FOXN3: variants seen among roughly 807,000 people sequenced by gnomAD.
FOXN3 encodes the protein forkhead box protein N3.
FOXN3 carries 7 observed loss-of-function variants against 38.4 expected under a neutral mutation model. That is an observed-to-expected ratio of 0.18 (90% confidence interval 0.10 to 0.34). The LOEUF (loss-of-function observed/expected upper bound fraction) is 0.34. FOXN3 is among the 10% of genes least tolerant of loss of function. FOXN3 has a pLI of 1.00. For synonymous variants in FOXN3, 230 were observed against 242.2 expected (o/e 0.95, Z 0.47); for missense variants, 456 against 613.4 (o/e 0.74, Z 2.71).
chr14:89,498,210 C>CTTTTTTTTT (rs547081117), intron 1 of FOXN3, among the ~76,000 whole-genome samples: 20 of 81,062 alleles, frequency 2.5e-4, no homozygotes, highest in African/African-American at 8.1e-4. Flanking sequence ...CTCTCTCTCT[C>CTTTTTTTTT]TTTTTTTTTT....
chr14:89,473,231 G>A (rs1408886270), intron 1 of FOXN3, among the ~76,000 whole-genome samples: 1 of 151,682 alleles, frequency 6.6e-6, no homozygotes, highest in Admixed American at 6.6e-5. Flanking sequence ...TCACCATGTT[G>A]GCCAGGATGG....
chr14:89,508,524 G>A (rs79962771), intron 1 of FOXN3, among the ~76,000 whole-genome samples: 3,751 of 152,228 alleles, frequency 0.025, 64 homozygotes, highest in Non-Finnish European at 0.038. Context: ...AGTGGCACTC[G>A]CTCAGAAAAG....
chr14:89,430,822 C>T (rs915203026), intron 1 of FOXN3, among the ~76,000 whole-genome samples: 3 of 152,160 alleles, frequency 2.0e-5, no homozygotes, highest in Non-Finnish European at 4.4e-5. Context: ...TCTGCCTAAC[C>T]AAAAGTAAAA....
chr14:89,587,276 A>G (rs1366897918), intron 1 of FOXN3, among the ~76,000 whole-genome samples: 2 of 152,228 alleles, frequency 1.3e-5, no homozygotes, highest in Non-Finnish European at 2.9e-5. Flanking sequence ...TTAAATGTTA[A>G]TCTCTTCTAG....
intron 3 of FOXN3, chr14:89,291,309 A>C (rs1029900846): frequency 6.0e-6 from 3 of 502,590 alleles, no homozygotes; most frequent in Non-Finnish European, 1.2e-5. Context: ...GCAGCCACGC[A>C]TTCTCTCGGG....
chr14:89,162,308 C>A lies in FOXN3; in HGVS notation c.*106G>T. On this transcript the variant is annotated 3_prime_UTR_variant, in exon 6 of 6. Coordinates refer to ENST00000557258, the MANE Select transcript of FOXN3 (RefSeq NM_005197.4). This position sits in a 1 kb window ranked among gnomAD's most constrained non-coding sequence, Gnocchi z 7.2. ...AAAAGAAAGAAAACCAAACCAAAAA[C>A]AAGAAAAAAGAAAAAAAATTGCTGA... 4 of 967,690 alleles carry A rather than the reference C, an allele frequency of 4.1e-6. No individual in the cohort carries two copies. The highest frequency in any genetic ancestry group is 2.1e-5 in the South Asian group (1 of 48,756). 59.9% of individuals were successfully genotyped at this position (967,690 alleles called of 1,614,324 possible).
At chr14:89,333,364 GC>G (rs1382131284) in intron 3 of FOXN3, 1 of 152,112 alleles carries the variant, frequency 6.6e-6, no homozygotes. Context: ...GTTGCAGTGA[GC>G]CAAGATCGCG....
rs79033554 is a variant in FOXN3, at chr14:89,401,298, T to C, written c.543+10636A>G. Among the ~76,000 whole-genome samples the C allele has an allele frequency of 2.6e-5, 4 of 152,132 alleles. No homozygotes were observed. The East Asian group carries it at 7.7e-4, about 29-fold the overall frequency. Reference sequence around the variant, plus strand: ...TTTCACTAAAAACAGAAAAATTAGCTGGGCATGGTGGCATGAGCCTGTAAT... The same window carrying C: ...TTTCACTAAAAACAGAAAAATTAGCCGGGCATGGTGGCATGAGCCTGTAAT... On this transcript the variant is annotated intron_variant, in intron 2 of 5. Coordinates refer to ENST00000557258, the MANE Select transcript of FOXN3 (RefSeq NM_005197.4).
chr14:89,388,548 C>T (rs1596245615), intron 2 of FOXN3, among the ~76,000 whole-genome samples: 1 of 152,106 alleles, frequency 6.6e-6, no homozygotes, highest in African/African-American at 2.4e-5. Context: ...CTGCACACAG[C>T]GCTGTCCCAA....
chr14:89,521,473 G>T (rs1894317389), intron 1 of FOXN3, among the ~76,000 whole-genome samples: 2 of 151,938 alleles, frequency 1.3e-5, no homozygotes, highest in South Asian at 4.1e-4. Flanking sequence ...GAGAAATAAA[G>T]ACTGGAAAAA....
chr14:89,568,938 C>T (rs542801743), intron 1 of FOXN3, among the ~76,000 whole-genome samples: 17 of 152,320 alleles, frequency 1.1e-4, no homozygotes, highest in African/African-American at 3.6e-4. Context: ...GGCACGGTGG[C>T]TCACGCCTGT....
At chr14:89,385,118 C>T (rs1052866875) in intron 2 of FOXN3, among the ~76,000 whole-genome samples, 8 of 152,084 alleles carry the variant, frequency 5.3e-5, no homozygotes, top group Non-Finnish European at 7.4e-5. Flanking sequence ...TTTGCTTTCC[C>T]CTCTCTCTAC....
chr14:89,214,276 C>T (rs74890373), intron 4 of FOXN3, among the ~76,000 whole-genome samples: 2 of 152,166 alleles, frequency 1.3e-5, no homozygotes, highest in South Asian at 2.1e-4. Flanking sequence ...CAGCTCCACC[C>T]GATGTTGAAA....
intron 1 of FOXN3, among the ~76,000 whole-genome samples, chr14:89,582,255 TAACA>T (rs1596324292): frequency 6.6e-6 from 1 of 152,132 alleles, no homozygotes; most frequent in East Asian, 1.9e-4. Context: ...CTCTACCAGG[TAACA>T]CATCAGACGC....
chr14:89,456,988 C>T (rs528582931), intron 1 of FOXN3, among the ~76,000 whole-genome samples: 1 of 152,266 alleles, frequency 6.6e-6, no homozygotes, highest in East Asian at 1.9e-4. Flanking sequence ...TACTTATACA[C>T]GGCAAATGGG....
At chr14:89,552,275 T>C (rs908377649) in intron 1 of FOXN3, among the ~76,000 whole-genome samples, 11 of 152,104 alleles carry the variant, frequency 7.2e-5, no homozygotes, top group African/African-American at 2.4e-4. Context: ...GCCAGAAAAA[T>C]TCTGTGAAAA....
At chr14:89,169,790 T>C (rs1249403203) in intron 5 of FOXN3, among the ~76,000 whole-genome samples, 5 of 152,092 alleles carry the variant, frequency 3.3e-5, no homozygotes, top group South Asian at 2.1e-4. Flanking sequence ...AAAAATGGAA[T>C]GAGGAGTAGG....
intron 1 of FOXN3, among the ~76,000 whole-genome samples, chr14:89,589,071 C>A (rs1161173197): frequency 6.6e-6 from 1 of 152,068 alleles, no homozygotes; most frequent in Non-Finnish European, 1.5e-5. Flanking sequence ...GTATTATTAA[C>A]TATAAACCAA....
chr14:89,187,307 G>A (rs191657268), intron 4 of FOXN3, among the ~76,000 whole-genome samples: 8 of 152,326 alleles, frequency 5.3e-5, no homozygotes, highest in Non-Finnish European at 1.0e-4. Context: ...ACCAGCCCAC[G>A]GGGGAATACA....
Sources: gnomAD v4.1 joint callset for allele counts (sites outside exome capture counted in the v4.1 genomes callset) on GRCh38, gnomAD v4.1.1 for gene constraint, Gnocchi (gnomAD v3.1) non-coding constraint, MANE v1.5 for transcripts, NCBI Gene and HGNC (gene_info 2026-07-23, HGNC 2026-07-21) for gene names.